VPS13B: variants seen among roughly 807,000 people sequenced by gnomAD.
The protein encoded by VPS13B is vacuolar protein sorting 13 homolog B, also known as intermembrane lipid transfer protein VPS13B.
Under a neutral mutation model 426.4 loss-of-function variants are expected in VPS13B, and 285 were observed. The observed-to-expected ratio is 0.67, with a 90% CI of 0.61 to 0.74. VPS13B has a LOEUF of 0.74. VPS13B is among the 30% of genes least tolerant of loss of function. The pLI is 0.00. For missense variants in VPS13B, 4,537 were observed against 4,782.6 expected, an observed-to-expected ratio of 0.95 and a Z score of 1.51; for synonymous variants, 1,676 against 1,676.4, an observed-to-expected ratio of 1.00 and a Z score of 0.01.
chr8:99,797,394 C>T (rs1812900810), intron 43 of VPS13B, among the ~76,000 whole-genome samples: 1 of 152,048 alleles, frequency 6.6e-6, no homozygotes, highest in Non-Finnish European at 1.5e-5. Flanking sequence ...AGTGAACCAC[C>T]ACACCCAGCC....
chr8:99,535,643 G>A (rs914165078), intron 30 of VPS13B, among the ~76,000 whole-genome samples: 3 of 151,918 alleles, frequency 2.0e-5, no homozygotes, highest in East Asian at 3.8e-4. Flanking sequence ...CTTACATATA[G>A]GAAAGTATAT....
At chr8:99,511,658 A>T (rs765154560) in intron 29 of VPS13B, 146 bp downstream of exon 29, 7 of 785,992 alleles carry the variant, frequency 8.9e-6, no homozygotes, top group South Asian at 1.9e-5. Flanking sequence ...GGAAATATAG[A>T]TATTCTACAA....
At chr8:99,494,166 A>G (rs1820772342) in intron 25 of VPS13B, among the ~76,000 whole-genome samples, 1 of 152,182 alleles carries the variant, frequency 6.6e-6, no homozygotes, top group Admixed American at 6.5e-5. Flanking sequence ...ACAACATAAA[A>G]TGTACTGTTT....
At chr8:99,219,128 A>G (rs1407435510) in intron 17 of VPS13B, among the ~76,000 whole-genome samples, 1 of 152,034 alleles carries the variant, frequency 6.6e-6, no homozygotes, top group Non-Finnish European at 1.5e-5. Context: ...TAAATCTGCC[A>G]CTCTGGTTTT....
chr8:99,457,514 T>C (rs1818546659), intron 23 of VPS13B, among the ~76,000 whole-genome samples: 1 of 152,224 alleles, frequency 6.6e-6, no homozygotes, highest in African/African-American at 2.4e-5. Context: ...AGCTAAAGGA[T>C]TGTCAGTTTG....
intron 3 of VPS13B, among the ~76,000 whole-genome samples, chr8:99,056,423 GT>G (rs2086195262): frequency 6.6e-6 from 1 of 152,116 alleles, no homozygotes; most frequent in African/African-American, 2.4e-5. Flanking sequence ...GTAGTTTTTG[GT>G]GGATTCTGTG....
At position 99,501,966 on chromosome 8, in the gene VPS13B, T is replaced by C. The variant is rs1463738514; in HGVS notation, c.4042+108T>C. 16 of 1,262,598 alleles carry C rather than the reference T, an allele frequency of 1.3e-5. No homozygotes were observed. In the Admixed American group the frequency reaches 3.2e-4, roughly 25 times the overall value. The allele number at this position is 1,262,598 out of a possible 1,614,324, so 78.2% of individuals were successfully genotyped here. A position where few individuals can be genotyped will look rare whatever the true frequency, so the allele number is the denominator to read the frequency against. On this transcript the variant is annotated intron_variant, in intron 26 of 61. Transcript: ENST00000357162. ...TTTCTTTTCTGTCTGTCTGTCTGTC[T>C]GTCTGTCTTTCCGTCTGTCTGTCTG... is the stretch of plus-strand genomic sequence containing the variant.
At chr8:99,247,949 G>A (rs1277151679) in intron 17 of VPS13B, among the ~76,000 whole-genome samples, 1 of 152,092 alleles carries the variant, frequency 6.6e-6, no homozygotes, top group Non-Finnish European at 1.5e-5. Flanking sequence ...TTCCACAAGG[G>A]AGGAAAACGG....
At chr8:99,083,355 G>A (rs1217345937) in intron 3 of VPS13B, among the ~76,000 whole-genome samples, 1 of 152,138 alleles carries the variant, frequency 6.6e-6, no homozygotes, top group Non-Finnish European at 1.5e-5. Context: ...AGGAGATTTT[G>A]GGTGAGACGA....
chr8:99,174,283 A>C (rs1362889087), intron 16 of VPS13B, among the ~76,000 whole-genome samples: 1 of 152,184 alleles, frequency 6.6e-6, no homozygotes, highest in Non-Finnish European at 1.5e-5. Flanking sequence ...TGCTGTGAAC[A>C]TGCATGTACA....
intron 30 of VPS13B, among the ~76,000 whole-genome samples, chr8:99,542,213 C>T (rs913972627): frequency 3.9e-5 from 6 of 152,144 alleles, no homozygotes; most frequent in African/African-American, 9.7e-5. Context: ...GGCTTAAGCC[C>T]GGCCTTTATT....
chr8:99,037,040 G>C (rs1842775895), intron 2 of VPS13B, among the ~76,000 whole-genome samples: 1 of 152,070 alleles, frequency 6.6e-6, no homozygotes, highest in African/African-American at 2.4e-5. Flanking sequence ...TGATTCTTAG[G>C]AGGAGTAAAT....
intron 52 of VPS13B, among the ~76,000 whole-genome samples, chr8:99,833,623 C>T (rs1323468672): frequency 6.6e-6 from 1 of 152,136 alleles, no homozygotes; most frequent in Admixed American, 6.5e-5. Flanking sequence ...GTTATCCTTA[C>T]ATTCTGGTTG....
chr8:99,865,252 C>G (rs1192414005), intron 58 of VPS13B, among the ~76,000 whole-genome samples: 1 of 152,240 alleles, frequency 6.6e-6, no homozygotes, highest in African/African-American at 2.4e-5. Context: ...CACTCTGGAG[C>G]CTGCACTGAG....
chr8:99,872,813 C>T (rs1276915405), intron 61 of VPS13B, among the ~76,000 whole-genome samples: 5 of 151,350 alleles, frequency 3.3e-5, no homozygotes, highest in Non-Finnish European at 5.9e-5. Context: ...GGGATGGGGG[C>T]GTGTATCTCC....
chr8:99,462,305 A>C (rs991916131), intron 23 of VPS13B, among the ~76,000 whole-genome samples: 1 of 152,100 alleles, frequency 6.6e-6, no homozygotes, highest in Non-Finnish European at 1.5e-5. Flanking sequence ...ATCTTGTCCA[A>C]TCAAGATAAC....
chr8:99,640,820 G>T (rs890207795), intron 33 of VPS13B, among the ~76,000 whole-genome samples: 5 of 152,164 alleles, frequency 3.3e-5, no homozygotes, highest in Non-Finnish European at 7.3e-5. Context: ...GCAAACCTGT[G>T]CATAGGTAGG....
intron 21 of VPS13B, among the ~76,000 whole-genome samples, chr8:99,414,495 T>A (rs2133366214): frequency 6.6e-6 from 1 of 152,344 alleles, no homozygotes; most frequent in South Asian, 2.1e-4. Context: ...CATTAGTTGA[T>A]GCAGTTTCTT....
At chr8:99,373,807 A>C (rs778611038) in intron 19 of VPS13B, among the ~76,000 whole-genome samples, 1 of 152,250 alleles carries the variant, frequency 6.6e-6, no homozygotes, top group South Asian at 2.1e-4. Flanking sequence ...ATGCCACTAC[A>C]CTCCATCCTG....
Sources: gnomAD v4.1 joint callset for allele counts (sites outside exome capture counted in the v4.1 genomes callset) on GRCh38, gnomAD v4.1.1 for gene constraint, MANE v1.5 for transcripts, NCBI Gene and HGNC (gene_info 2026-07-23, HGNC 2026-07-21) for gene names.